Variants in SZT2 observed in about 807,000 individuals in gnomAD.
The protein encoded by SZT2 is SZT2 subunit of KICSTOR complex.
Under a neutral mutation model 404.2 loss-of-function variants are expected in SZT2, and 216 were observed. The observed-to-expected ratio is 0.53, with a 90% CI of 0.48 to 0.60. The LOEUF is 0.60. Among genes scored for constraint, SZT2 ranks in the 20% least tolerant of loss-of-function variants. SZT2 has a pLI of 0.00. For missense variants in SZT2, 3,857 were observed against 4,459.2 expected (o/e 0.86, Z 3.85); for synonymous variants, 1,693 against 1,749.9 (o/e 0.97, Z 0.81).
rs1653710579 is a variant in SZT2 at position 43,430,300 on chromosome 1, CT to C, written c.4402-7del. The C allele has an allele frequency of 6.2e-7, 1 of 1,613,688 alleles. No homozygotes were observed. Among genetic ancestry groups the C allele is most frequent in the African/African-American group, 1.3e-5 (1 of 74,876 alleles). Reference sequence around the variant, plus strand: ...TCTTGCCTCATCATCTTGCTTCATTCTTTTGCCTAGGATGAGGGGCCTCGGG... The same window carrying C: ...TCTTGCCTCATCATCTTGCTTCATTCTTTGCCTAGGATGAGGGGCCTCGGG... On this transcript the variant is annotated splice_polypyrimidine_tract_variant and intron_variant, in intron 30 of 71. Transcript: ENST00000634258.
At position 43,389,957 on chromosome 1, in the gene SZT2, G is replaced by C; in HGVS notation, c.-12G>C. 6.9e-7 allele frequency: 1 copy of C among 1,449,016 alleles called. No homozygotes were observed. The highest frequency in any genetic ancestry group is 9.1e-7 in the Non-Finnish European group (1 of 1,101,282). 89.8% of individuals were successfully genotyped at this position (1,449,016 alleles called of 1,614,324 possible). On this transcript the variant is annotated 5_prime_UTR_variant, in exon 1 of 72. Transcript: ENST00000634258. ...CCCTCACTGGCCCGGGCCGGCGCGG[G>C]AGGGCTGTGTGATGGCCTCGGAGCG...
chr1:43,453,918 T>C lies in SZT2; in HGVS notation c.*3438T>C. On this transcript the variant is annotated 3_prime_UTR_variant, in exon 72 of 72. Transcript: ENST00000634258. ...GCGAACGAACGAGCACTGTTCGTGG[T>C]TAGAAAAGCGAAGTGCTGTAAAAAC... 8.3e-6 allele frequency: 10 copies of C among 1,208,656 alleles called. No individual in the cohort carries two copies. The South Asian group carries it at 3.3e-4, about 39-fold the overall frequency. The allele number at this position is 1,208,656 out of a possible 1,614,324, so 74.9% of individuals were successfully genotyped here.
rs1463072714 is a variant in SZT2 at position 43,452,522 on chromosome 1, TCCAC to T, written c.*2048_*2051del. On this transcript the variant is annotated 3_prime_UTR_variant, in exon 72 of 72. Coordinates refer to ENST00000634258, the MANE Select transcript of SZT2 (RefSeq NM_001365999.1). ...AAGCCCTTTCCCAGACATCTCAGTG[TCCAC>T]CCACCGCCTCCTGCCTCCAGTACTT... 4.5e-6 allele frequency: 3 copies of T among 669,590 alleles called. No homozygotes were observed. Among genetic ancestry groups the T allele is most frequent in the Non-Finnish European group, 8.3e-6 (3 of 362,916 alleles). The allele number at this position is 669,590 out of a possible 1,614,324, so 41.5% of individuals were successfully genotyped here. A position where few individuals can be genotyped will look rare whatever the true frequency, so the allele number is the denominator to read the frequency against.
At chr1:43,414,821 GT>G (rs1651510113) in intron 4 of SZT2, among the ~76,000 whole-genome samples, 2 of 152,258 alleles carry the variant, frequency 1.3e-5, no homozygotes, top group African/African-American at 4.8e-5. Flanking sequence ...CATGTGGGGG[GT>G]TGGGGAAGCC....
intron 4 of SZT2, chr1:43,409,463 G>A: frequency 2.6e-6 from 1 of 386,274 alleles, no homozygotes; most frequent in South Asian, 2.0e-5. Flanking sequence ...ATCCAAACTG[G>A]AAAATAAGTC....
chr1:43,413,575 G>A (rs1651330484), intron 4 of SZT2, among the ~76,000 whole-genome samples: 1 of 152,148 alleles, frequency 6.6e-6, no homozygotes, highest in African/African-American at 2.4e-5. Context: ...CAGATGAATG[G>A]ATAAAGAAAA....
At chr1:43,395,989 C>T (rs1031318065) in intron 1 of SZT2, among the ~76,000 whole-genome samples, 3 of 152,146 alleles carry the variant, frequency 2.0e-5, no homozygotes, top group African/African-American at 7.2e-5. Flanking sequence ...AGTGACAGGA[C>T]TAATTGAATG....
Position 43,439,677 on chromosome 1 carries a change from C to T in SZT2, c.6950C>T (p.Ser2317Phe), listed in dbSNP as rs772570227. 12 of 1,612,966 alleles carry T rather than the reference C, an allele frequency of 7.4e-6. No homozygotes were observed. Among genetic ancestry groups the T allele is most frequent in the East Asian group, 2.2e-5 (1 of 44,880 alleles). ...APLSLALWPP[S>F]SPGPPDPLRE... ...TTGTCACTGGCGTTGTGGCCCCCCT[C>T]CTCTCCGGGGCCCCCAGACCCACTG... The change falls in exon 50 of 72, where the codon TCC (serine) becomes TTC (phenylalanine). Residue 2317 changes from serine to phenylalanine, a missense_variant. By Grantham distance (155) the Ser-to-Phe change is radical. This residue lies in a region of SZT2 where 573 missense variants were observed against 592.4 expected (regional missense o/e 0.97). Coordinates refer to ENST00000634258, the MANE Select transcript of SZT2 (RefSeq NM_001365999.1). The surrounding 1 kb of genome is among the most constrained non-coding windows in gnomAD (Gnocchi z 4.2).
intron 46 of SZT2, chr1:43,438,177 C>T (rs1251363675): frequency 4.6e-6 from 2 of 438,118 alleles, no homozygotes; most frequent in East Asian, 9.5e-5. Flanking sequence ...AAGGGACTGG[C>T]TTCTGCCATG....
Position 43,439,295 on chromosome 1 carries a change from C to A in SZT2, c.6793-63C>A. The A allele has an allele frequency of 6.3e-7, 1 of 1,584,312 alleles. No homozygotes were observed. Among genetic ancestry groups the A allele is most frequent in the South Asian group, 1.1e-5 (1 of 90,136 alleles). On this transcript the variant is annotated intron_variant, in intron 48 of 71. Transcript: ENST00000634258. The surrounding 1 kb of genome is among the most constrained non-coding windows in gnomAD (Gnocchi z 4.2). The stretch of plus-strand genomic sequence containing the variant: ...TGCACCACATTCCCCACTGTGGGCA[C>A]CCATCCCCGAGGGTTTTGTCCATTT...
Position 43,450,879 on chromosome 1 carries a change from G to A in SZT2, c.*399G>A, listed in dbSNP as rs373927228. 1.2e-5 allele frequency: 9 copies of A among 727,538 alleles called. No homozygotes were observed. The highest frequency in any genetic ancestry group is 8.0e-5 in the East Asian group (3 of 37,646). The allele number at this position is 727,538 out of a possible 1,614,324, so 45.1% of individuals were successfully genotyped here. A position where few individuals can be genotyped will look rare whatever the true frequency, so the allele number is the denominator to read the frequency against. On this transcript the variant is annotated 3_prime_UTR_variant, in exon 72 of 72. Transcript: ENST00000634258. The surrounding 1 kb of genome is among the most constrained non-coding windows in gnomAD (Gnocchi z 4.3). ...AGCCACCTGTGTCCCTTGAGCCTTC[G>A]GGTCTTCACTTCCCACTTGGACATC...
chr1:43,418,932 G>A (rs1285053994), intron 7 of SZT2, among the ~76,000 whole-genome samples: 2 of 152,228 alleles, frequency 1.3e-5, no homozygotes, highest in Non-Finnish European at 2.9e-5. Context: ...AGATGAATTT[G>A]TTCCACATGA....
At position 43,440,512 on chromosome 1, in the gene SZT2, C is replaced by G. The variant is rs748903787; in HGVS notation, c.7270C>G (p.Pro2424Ala). The G allele has an allele frequency of 8.7e-6, 14 of 1,608,384 alleles. No homozygotes were observed. Among genetic ancestry groups the G allele is most frequent in the Non-Finnish European group, 1.1e-5 (13 of 1,177,528 alleles). ...CTCTGCAGGCCGAGCTAGCACCTTTCCCCCTGCCCCTGTCCCTGGGGAGCC... is the reference window on the plus strand; with the variant it reads ...CTCTGCAGGCCGAGCTAGCACCTTTGCCCCTGCCCCTGTCCCTGGGGAGCC... ...KSSAGRASTF[P>A]PAPVPGEPVT... The change falls in exon 52 of 72, where the codon CCC (proline) becomes GCC (alanine). Residue 2424 changes from proline to alanine, a missense_variant. By Grantham distance (27) the Pro-to-Ala change is conservative (BLOSUM62 -1). Coordinates refer to ENST00000634258, the MANE Select transcript of SZT2 (RefSeq NM_001365999.1).
chr1:43,403,133 C>G (rs370481057), intron 1 of SZT2, 44 bp from the exon 2 acceptor site: 1 of 1,603,686 alleles, frequency 6.2e-7, no homozygotes, highest in Non-Finnish European at 8.5e-7. Flanking sequence ...TCCAGGTACT[C>G]GGTGCCATTT....
chr1:43,442,145 C>A lies in SZT2; in HGVS notation c.7873+15C>A. ...AACACAGCAGGGTGAGGGCATGGCC[C>A]GGGGGGGCGGGGGGCGGGTAGGCTA... is the stretch of plus-strand genomic sequence containing the variant. On this transcript the variant is annotated intron_variant, in intron 56 of 71. Transcript: ENST00000634258. The surrounding 1 kb of genome is among the most constrained non-coding windows in gnomAD (Gnocchi z 4.5). 9.6e-7 allele frequency: 1 copy of A among 1,042,886 alleles called. No individual in the cohort carries two copies. The highest frequency in any genetic ancestry group is 1.4e-6 in the Non-Finnish European group (1 of 698,912). 64.6% of individuals were successfully genotyped at this position (1,042,886 alleles called of 1,614,324 possible).
At chr1:43,449,360 G>A (rs1279658055) in intron 70 of SZT2, 1 of 160,154 alleles carries the variant, frequency 6.2e-6, no homozygotes, top group Non-Finnish European at 1.4e-5. Context: ...GTAGGAGGTG[G>A]AGCCAGGTGA....
intron 26 of SZT2, 129 bp downstream of exon 26, chr1:43,427,863 T>A: frequency 7.4e-7 from 1 of 1,349,026 alleles, no homozygotes. Context: ...TTGATTTCCC[T>A]CAGCAAACCC....
chr1:43,450,056 T>TG lies in SZT2; in HGVS notation c.10087-44dup, dbSNP rs1383440564. The TG allele has an allele frequency of 1.2e-6, 2 of 1,606,180 alleles. No individual in the cohort carries two copies. Among genetic ancestry groups the TG allele is most frequent in the South Asian group, 2.2e-5 (2 of 90,896 alleles). ...CCTCCCTTCACCTCAGGATGCCCTGTGGGAGGGTCTGTAGGGTCTGTGTCC... is the reference window on the plus strand; with the variant it reads ...CCTCCCTTCACCTCAGGATGCCCTGTGGGGAGGGTCTGTAGGGTCTGTGTCC... On this transcript the variant is annotated intron_variant, in intron 70 of 71. Transcript: ENST00000634258. This position sits in a 1 kb window ranked among gnomAD's most constrained non-coding sequence, Gnocchi z 4.3.
chr1:43,421,686 G>A (rs970422151), intron 11 of SZT2, among the ~76,000 whole-genome samples: 4 of 152,256 alleles, frequency 2.6e-5, no homozygotes, highest in African/African-American at 9.6e-5. Flanking sequence ...GAAGACTACA[G>A]CTTCCTTGGT....
Sources: allele counts gnomAD v4.1 joint callset (sites outside exome capture counted in the v4.1 genomes callset), GRCh38; gene constraint gnomAD v4.1.1; regional missense constraint gnomAD v4.1.1; non-coding constraint Gnocchi (gnomAD v3.1); transcripts MANE v1.5; gene names NCBI Gene and HGNC (gene_info 2026-07-23, HGNC 2026-07-21).